Variants in HHLA2 observed in about 807,000 individuals in gnomAD.
HHLA2 encodes the protein HHLA2 member of B7 family, also known as HERV-H LTR-associating protein 2.
In HHLA2, 48 loss-of-function variants were observed where a neutral mutation model predicts 45.9. The ratio of observed to expected loss-of-function variants is 1.05; its 90% CI spans 0.83 to 1.33. The LOEUF (loss-of-function observed/expected upper bound fraction) is 1.33. Among genes scored for constraint, HHLA2 ranks in the 40% most tolerant of loss-of-function variants. The pLI is 0.00. For missense variants in HHLA2, 462 were observed against 494.3 expected (o/e 0.93, Z 0.62); for synonymous variants, 161 against 173.9 (o/e 0.93, Z 0.59).
rs563179699 is a variant in HHLA2, at chr3:108,344,965, G to A, written c.-26-6823G>A. ...GCTGGAAAATGGTCCCTGGAAGCAGGAGTAGTTCCCTGGACTTTACCCCAC... is the reference window on the plus strand; with the variant it reads ...GCTGGAAAATGGTCCCTGGAAGCAGAAGTAGTTCCCTGGACTTTACCCCAC... On this transcript the variant is annotated intron_variant, in intron 3 of 10. Coordinates refer to ENST00000619531, the Ensembl canonical transcript of HHLA2. Among the ~76,000 whole-genome samples the A allele has an allele frequency of 9.2e-5, 14 of 152,304 alleles. No individual in the cohort carries two copies. The South Asian group carries it at 1.9e-3, about 20-fold the overall frequency.
intron 7 of HHLA2, 81 bp from the exon 7 acceptor site, chr3:108,362,261 C>A (rs1028828381): frequency 1.0e-5 from 10 of 958,440 alleles, no homozygotes; most frequent in African/African-American, 8.3e-5. Context: ...TAAACATACT[C>A]CACCCTTACC....
At chr3:108,325,685 C>A in intron 2 of HHLA2, 1 of 225,072 alleles carries the variant, frequency 4.4e-6, no homozygotes, top group South Asian at 6.2e-5. Context: ...TTATAGCTTT[C>A]TCTACCTTCA....
chr3:108,332,760 A>T (rs186289709), intron 3 of HHLA2, among the ~76,000 whole-genome samples: 3 of 152,288 alleles, frequency 2.0e-5, no homozygotes, highest in Admixed American at 2.0e-4. Context: ...TGGTGCAAAG[A>T]TATCAGGCTT....
intron 3 of HHLA2, among the ~76,000 whole-genome samples, chr3:108,345,696 A>G (rs549149734): frequency 1.3e-3 from 200 of 152,314 alleles, no homozygotes; most frequent in African/African-American, 4.4e-3. Flanking sequence ...GGAAACACAC[A>G]GACTGCGGTT....
chr3:108,365,354 A>G (rs903783520), intron 8 of HHLA2, among the ~76,000 whole-genome samples: 1 of 152,070 alleles, frequency 6.6e-6, no homozygotes, highest in African/African-American at 2.4e-5. Context: ...CCATTGGTCT[A>G]TGTATCTGTT....
At chr3:108,366,183 C>T (rs1039506042) in intron 8 of HHLA2, among the ~76,000 whole-genome samples, 1 of 152,168 alleles carries the variant, frequency 6.6e-6, no homozygotes, top group Non-Finnish European at 1.5e-5. Context: ...GAGTTTTTAG[C>T]ATGAAGTGGT....
chr3:108,311,604 T>G (rs1013850302), intron 2 of HHLA2, among the ~76,000 whole-genome samples: 19 of 152,082 alleles, frequency 1.2e-4, no homozygotes, highest in African/African-American at 4.6e-4. Flanking sequence ...GATTTAAGAT[T>G]GGGTATTGGG....
intron 7 of HHLA2, among the ~76,000 whole-genome samples, chr3:108,358,719 T>C (rs1457004873): frequency 6.6e-6 from 1 of 152,212 alleles, no homozygotes; most frequent in African/African-American, 2.4e-5. Flanking sequence ...TCATGGAATA[T>C]ATACTCATGA....
At position 108,355,424 on chromosome 3, in the gene HHLA2, G is replaced by T. The variant is rs756807808; in HGVS notation, c.685+43G>T. ...TTCTGTGTACACGTGCTGTTTCAAA[G>T]TTGGGGGGTAATGGGGACTGATTTG... is the stretch of plus-strand genomic sequence containing the variant. On this transcript the variant is annotated intron_variant, in intron 6 of 10. Transcript: ENST00000619531. The T allele has an allele frequency of 2.7e-5, 42 of 1,574,994 alleles. No individual in the cohort carries two copies. The Admixed American group carries it at 3.9e-4, about 15-fold the overall frequency.
rs754092642 is a variant in HHLA2, at chr3:108,355,401, C to T, written c.685+20C>T. 24 of 1,607,502 alleles carry T rather than the reference C, an allele frequency of 1.5e-5. No individual in the cohort carries two copies. The highest frequency in any genetic ancestry group is 2.0e-5 in the Non-Finnish European group (23 of 1,176,100). ...TGAAAGGTAGGCTCCACAGGACTTT[C>T]TGTGTACACGTGCTGTTTCAAAGTT... On this transcript the variant is annotated intron_variant, in intron 6 of 10. Transcript: ENST00000619531.
chr3:108,375,754 G>T, exon 9 of HHLA2: 1 of 1,610,748 alleles, frequency 6.2e-7, no homozygotes, highest in East Asian at 2.2e-5. Context: ...CTACAGCCCA[G>T]CTAGAAGCCA....
At chr3:108,328,231 A>C in intron 2 of HHLA2, 1 of 974,028 alleles carries the variant, frequency 1.0e-6, no homozygotes, top group Non-Finnish European at 1.4e-6. Context: ...TGGGGCATTG[A>C]TACTCTGGAA....
chr3:108,362,570 C>G, intron 8 of HHLA2, 124 bp downstream of exon 7: 1 of 676,848 alleles, frequency 1.5e-6, no homozygotes, highest in African/African-American at 1.8e-5. Flanking sequence ...GAATGTCATT[C>G]ACAAAATTCA....
At chr3:108,302,365 T>G (rs561319442) in intron 1 of HHLA2, 2 of 152,300 alleles carry the variant, frequency 1.3e-5, no homozygotes, top group South Asian at 4.1e-4. Context: ...CTCCTGACAG[T>G]ACGCTGAGAC....
intron 3 of HHLA2, among the ~76,000 whole-genome samples, chr3:108,336,375 G>C (rs75393611): frequency 0.015 from 2,276 of 152,260 alleles, 42 homozygotes; most frequent in African/African-American, 0.051. Flanking sequence ...AGGAACCAAG[G>C]AGTGAGGAGG....
At chr3:108,342,473 C>T (rs2081591131) in intron 3 of HHLA2, among the ~76,000 whole-genome samples, 1 of 151,972 alleles carries the variant, frequency 6.6e-6, no homozygotes, top group South Asian at 2.1e-4. Context: ...CCATGTTGAC[C>T]AGGCTGGCCT....
chr3:108,321,360 G>A (rs1482284805), intron 2 of HHLA2, among the ~76,000 whole-genome samples: 1 of 152,088 alleles, frequency 6.6e-6, no homozygotes, highest in African/African-American at 2.4e-5. Flanking sequence ...AGAGAGGATG[G>A]GTAATACATT....
At chr3:108,324,234 A>C (rs2081250800) in intron 2 of HHLA2, among the ~76,000 whole-genome samples, 2 of 152,174 alleles carry the variant, frequency 1.3e-5, no homozygotes, top group Admixed American at 1.3e-4. Context: ...GACTACATTA[A>C]ATTTATTATT....
At chr3:108,323,044 T>TTTG (rs2081231352) in intron 2 of HHLA2, among the ~76,000 whole-genome samples, 1 of 151,448 alleles carries the variant, frequency 6.6e-6, no homozygotes, top group Non-Finnish European at 1.5e-5. Context: ...TTGCTGACTT[T>TTTG]TTTGTTTGTT....
Sources: allele counts gnomAD v4.1 joint callset (sites outside exome capture counted in the v4.1 genomes callset), GRCh38; gene constraint gnomAD v4.1.1; transcripts MANE v1.5; gene names NCBI Gene and HGNC (gene_info 2026-07-23, HGNC 2026-07-21).